Variants in RAD51B observed in about 807,000 individuals in gnomAD.
RAD51B encodes the protein DNA repair protein RAD51 homolog 2.
RAD51B carries 38 observed loss-of-function variants against 42.2 expected under a neutral mutation model. The ratio of observed to expected loss-of-function variants is 0.90; its 90% CI spans 0.70 to 1.18. The LOEUF (loss-of-function observed/expected upper bound fraction) is 1.18, where lower values mean the gene tolerates loss of function less well. RAD51B is among the 50% of genes most tolerant of loss of function. The pLI, the probability that RAD51B is intolerant of heterozygous loss-of-function variation, is 0.00. For synonymous variants in RAD51B, 154 were observed against 145.2 expected (o/e 1.06, Z -0.43); for missense variants, 373 against 400.7 (o/e 0.93, Z 0.59).
chr14:67,996,380 G>A (rs1000795992), intron 7 of RAD51B, among the ~76,000 whole-genome samples: 18 of 151,652 alleles, frequency 1.2e-4, no homozygotes, highest in African/African-American at 4.1e-4. Flanking sequence ...TGTGTTGACA[G>A]AGTGAGATTC....
At chr14:68,252,826 A>G (rs2080665571) in intron 7 of RAD51B, among the ~76,000 whole-genome samples, 1 of 152,108 alleles carries the variant, frequency 6.6e-6, no homozygotes, top group African/African-American at 2.4e-5. Flanking sequence ...CACTCCTGTA[A>G]TCCTAGCGCT....
chr14:68,364,636 G>A (rs756670187), intron 8 of RAD51B, among the ~76,000 whole-genome samples: 3 of 152,166 alleles, frequency 2.0e-5, no homozygotes, highest in Non-Finnish European at 4.4e-5. Context: ...CAACAAGGGG[G>A]ACAATGATCT....
intron 9 of RAD51B, among the ~76,000 whole-genome samples, chr14:68,450,928 G>C (rs1459155413): frequency 6.6e-6 from 1 of 152,096 alleles, no homozygotes; most frequent in Non-Finnish European, 1.5e-5. Flanking sequence ...GCATGACTGT[G>C]GGGGCTCAGT....
At position 67,844,625 on chromosome 14, in the gene RAD51B, T is replaced by TA. The variant is rs201128222; in HGVS notation, c.315+9429_315+9430insA. 4.8e-3 allele frequency among the ~76,000 whole-genome samples: 668 copies of TA among 137,810 alleles called. 10 individuals are homozygous for TA. In the East Asian group the frequency reaches 0.071, roughly 15 times the overall value. The allele number at this position is 137,810 out of a possible 152,430, so 90.4% of individuals were successfully genotyped here. A position where few individuals can be genotyped will look rare whatever the true frequency, so the allele number is the denominator to read the frequency against. On this transcript the variant is annotated intron_variant, in intron 4 of 10. Coordinates refer to ENST00000471583, the MANE Select transcript of RAD51B (RefSeq NM_133510.4). ...TTTATATATATATTATATATATATA[T>TA]TTTTTTTATTATAGTTTAAGTTCTA...
intron 10 of RAD51B, among the ~76,000 whole-genome samples, chr14:68,488,199 CTT>C (rs201866707): frequency 2.9e-4 from 31 of 108,298 alleles, no homozygotes; most frequent in African/African-American, 1.0e-3. Context: ...TAGGGTTTGT[CTT>C]TTTTTTTTTT....
chr14:68,229,869 T>C (rs907018182), intron 7 of RAD51B, among the ~76,000 whole-genome samples: 3 of 152,214 alleles, frequency 2.0e-5, no homozygotes, highest in Non-Finnish European at 4.4e-5. Flanking sequence ...AGATCTCTTA[T>C]ATCTTTGTGC....
intron 10 of RAD51B, among the ~76,000 whole-genome samples, chr14:68,485,786 GGTTTGGATCAA>G: frequency 6.6e-6 from 1 of 152,176 alleles, no homozygotes; most frequent in East Asian, 1.9e-4. Flanking sequence ...TGAAGGACTC[GGTTTGGATCAA>G]GTTTTTGCCA....
At chr14:68,035,332 G>C (rs1225318038) in intron 7 of RAD51B, among the ~76,000 whole-genome samples, 1 of 151,996 alleles carries the variant, frequency 6.6e-6, no homozygotes, top group African/African-American at 2.4e-5. Context: ...AACATAAACT[G>C]ATAAAAGGAA....
chr14:68,335,304 AAAAAAAAAAG>A (rs1274459759), intron 8 of RAD51B, among the ~76,000 whole-genome samples: 2 of 140,460 alleles, frequency 1.4e-5, no homozygotes, highest in South Asian at 2.4e-4. Context: ...GTCAAAAAAA[AAAAAAAAAAG>A]AAAAGAAAAA....
At chr14:68,043,618 G>T (rs1475415049) in intron 7 of RAD51B, among the ~76,000 whole-genome samples, 2 of 152,156 alleles carry the variant, frequency 1.3e-5, no homozygotes, top group African/African-American at 2.4e-5. Context: ...CTACAAAAGC[G>T]AACCAGACTA....
chr14:68,171,333 C>T (rs1737084795), intron 7 of RAD51B, among the ~76,000 whole-genome samples: 1 of 152,224 alleles, frequency 6.6e-6, no homozygotes, highest in Middle Eastern at 3.4e-3. Flanking sequence ...AGTTTCACTC[C>T]TGTTGCCCAG....
intron 7 of RAD51B, among the ~76,000 whole-genome samples, chr14:68,225,762 A>G (rs1458381806): frequency 6.6e-6 from 1 of 152,216 alleles, no homozygotes; most frequent in Non-Finnish European, 1.5e-5. Context: ...TTATGTACAT[A>G]GAGAAGCTTA....
chr14:68,002,029 C>A (rs1294358246), intron 7 of RAD51B, among the ~76,000 whole-genome samples: 1 of 152,022 alleles, frequency 6.6e-6, no homozygotes, highest in Admixed American at 6.6e-5. Flanking sequence ...ATCTTTATAA[C>A]AGAATGATTT....
At chr14:68,071,228 T>A (rs1437157542) in intron 7 of RAD51B, among the ~76,000 whole-genome samples, 5 of 152,152 alleles carry the variant, frequency 3.3e-5, no homozygotes, top group African/African-American at 7.2e-5. Context: ...TAGTTTGACT[T>A]CCTTTCTTCC....
chr14:67,940,529 GA>G (rs1170581297), intron 7 of RAD51B, among the ~76,000 whole-genome samples: 18 of 152,166 alleles, frequency 1.2e-4, no homozygotes, highest in African/African-American at 4.1e-4. Flanking sequence ...CAATAGTGTA[GA>G]AGTCTTTTCA....
intron 8 of RAD51B, among the ~76,000 whole-genome samples, chr14:68,351,722 C>T (rs529744166): frequency 8.5e-5 from 13 of 152,166 alleles, no homozygotes; most frequent in African/African-American, 7.2e-5. Context: ...AGGGAATGTG[C>T]GGGATTAGAC....
chr14:68,539,841 G>A (rs1202056154), intron 10 of RAD51B, among the ~76,000 whole-genome samples: 1 of 152,182 alleles, frequency 6.6e-6, no homozygotes, highest in Non-Finnish European at 1.5e-5. Flanking sequence ...TGAGAAAGGA[G>A]GGACTTTTCT....
chr14:68,551,501 C>T (rs1888569480), intron 10 of RAD51B, among the ~76,000 whole-genome samples: 1 of 152,200 alleles, frequency 6.6e-6, no homozygotes, highest in East Asian at 1.9e-4. Context: ...GGCAGGATTC[C>T]CCCCTTCCCA....
At chr14:68,677,119 G>A (rs1893323101) in intron 11 of RAD51B, among the ~76,000 whole-genome samples, 1 of 152,138 alleles carries the variant, frequency 6.6e-6, no homozygotes, top group African/African-American at 2.4e-5. Context: ...CTCAAATCAA[G>A]TCTACTGTCC....
Sources: allele counts gnomAD v4.1 joint callset (sites outside exome capture counted in the v4.1 genomes callset), GRCh38; gene constraint gnomAD v4.1.1; transcripts MANE v1.5; gene names NCBI Gene and HGNC (gene_info 2026-07-23, HGNC 2026-07-21).